Variants in SLC9C1 observed in about 807,000 individuals in gnomAD.
The protein encoded by SLC9C1 is sodium/hydrogen exchanger 10.
A neutral mutation model predicts 140.9 loss-of-function variants in SLC9C1; 97 were observed. The ratio of observed to expected loss-of-function variants is 0.69; its 90% CI spans 0.58 to 0.82. The LOEUF (loss-of-function observed/expected upper bound fraction) is 0.82. Among genes scored for constraint, SLC9C1 ranks in the 40% least tolerant of loss-of-function variants. SLC9C1 has a pLI of 0.00. For missense variants in SLC9C1, 1,340 were observed against 1,389.3 expected (o/e 0.96, Z 0.56); for synonymous variants, 440 against 442.6 (o/e 0.99, Z 0.07).
At chr3:112,232,421 A>G (rs1395389971) in intron 12 of SLC9C1, among the ~76,000 whole-genome samples, 4 of 152,198 alleles carry the variant, frequency 2.6e-5, no homozygotes, top group African/African-American at 9.6e-5. Context: ...ACAATCAGGT[A>G]TTGGAAGCTA....
At chr3:112,236,444 A>G (rs1465300197) in intron 12 of SLC9C1, among the ~76,000 whole-genome samples, 1 of 152,090 alleles carries the variant, frequency 6.6e-6, no homozygotes, top group Non-Finnish European at 1.5e-5. Context: ...TGATTTTTTG[A>G]AGGGATTTTA....
At chr3:112,150,827 TATATATATATATA>T (rs1409317412) in intron 28 of SLC9C1, among the ~76,000 whole-genome samples, 2,142 of 42,358 alleles carry the variant, frequency 0.051, 54 homozygotes, top group Middle Eastern at 0.11. Flanking sequence ...TATACATATA[TATATATATATATA>T]TTTTTTTTTT....
At chr3:112,215,645 C>T (rs542541602) in intron 15 of SLC9C1, among the ~76,000 whole-genome samples, 2 of 152,096 alleles carry the variant, frequency 1.3e-5, no homozygotes, top group Non-Finnish European at 2.9e-5. Flanking sequence ...ATCCAACTTA[C>T]AAGGGATGTG....
intron 23 of SLC9C1, among the ~76,000 whole-genome samples, chr3:112,172,888 G>A (rs1425330019): frequency 6.6e-6 from 1 of 151,840 alleles, no homozygotes; most frequent in Non-Finnish European, 1.5e-5. Flanking sequence ...CTAAAATAAA[G>A]CTCATTTATT....
intron 15 of SLC9C1, 59 bp from the exon 16 acceptor site, chr3:112,208,432 T>C: frequency 8.3e-7 from 1 of 1,198,618 alleles, no homozygotes; most frequent in Non-Finnish European, 1.2e-6. Context: ...GATTTTCATA[T>C]ATACTCATTT....
chr3:112,217,297 A>G (rs1425852718), intron 15 of SLC9C1, 145 bp downstream of exon 15: 7 of 811,382 alleles, frequency 8.6e-6, no homozygotes, highest in Admixed American at 6.7e-5. Flanking sequence ...TGTCACATGT[A>G]TGCATATGTA....
intron 15 of SLC9C1, among the ~76,000 whole-genome samples, chr3:112,214,037 A>C (rs2078283849): frequency 6.6e-6 from 1 of 152,208 alleles, no homozygotes; most frequent in Non-Finnish European, 1.5e-5. Flanking sequence ...TCAAATTAGA[A>C]CTCAGGATTA....
At chr3:112,196,471 T>C (rs1317647870) in intron 20 of SLC9C1, among the ~76,000 whole-genome samples, 1 of 152,118 alleles carries the variant, frequency 6.6e-6, no homozygotes, top group Non-Finnish European at 1.5e-5. Flanking sequence ...TTCTCAAATA[T>C]TGTCTTTTTT....
intron 12 of SLC9C1, among the ~76,000 whole-genome samples, chr3:112,234,494 T>C (rs1489601658): frequency 1.3e-5 from 2 of 152,198 alleles, no homozygotes; most frequent in Non-Finnish European, 2.9e-5. Context: ...AGATCCCATT[T>C]GTCAATTTTG....
intron 18 of SLC9C1, 145 bp downstream of exon 18, chr3:112,202,105 A>T: frequency 1.1e-6 from 1 of 903,750 alleles, no homozygotes; most frequent in Non-Finnish European, 1.7e-6. Context: ...TGAGTAATTT[A>T]AATGTAACCT....
intron 1 of SLC9C1, among the ~76,000 whole-genome samples, chr3:112,290,314 T>A (rs1203249759): frequency 6.6e-6 from 1 of 152,260 alleles, no homozygotes; most frequent in African/African-American, 2.4e-5. Flanking sequence ...ATGAGCATTT[T>A]TATCATTTCT....
intron 20 of SLC9C1, among the ~76,000 whole-genome samples, chr3:112,184,519 C>G (rs1392207758): frequency 6.6e-6 from 1 of 150,822 alleles, no homozygotes; most frequent in Non-Finnish European, 1.5e-5. Flanking sequence ...GCCTGTAATC[C>G]CAGCTACTCG....
At chr3:112,276,290 G>C (rs1391790095) in intron 5 of SLC9C1, among the ~76,000 whole-genome samples, 1 of 151,934 alleles carries the variant, frequency 6.6e-6, no homozygotes, top group Non-Finnish European at 1.5e-5. Flanking sequence ...GGCATAGGAG[G>C]AGTCAAAGGA....
rs917573992 is a variant in SLC9C1, at chr3:112,250,859, A to C, written c.1198-6783T>G. On this transcript the variant is annotated intron_variant, in intron 10 of 28. Coordinates refer to ENST00000305815, the MANE Select transcript of SLC9C1 (RefSeq NM_183061.3). ...GTGACTTCTCAAAGAACTTGGAACT[A>C]CCATTCGACCCAGCAATCCCATTAT... Among the ~76,000 whole-genome samples the C allele has an allele frequency of 2.6e-5, 4 of 152,330 alleles. No individual in the cohort carries two copies. In the East Asian group the frequency reaches 7.7e-4, roughly 29 times the overall value.
intron 15 of SLC9C1, among the ~76,000 whole-genome samples, chr3:112,215,159 C>G (rs927116791): frequency 1.7e-5 from 2 of 116,956 alleles, no homozygotes; most frequent in African/African-American, 6.3e-5. Context: ...AAATTCAAAG[C>G]CCTTCATGCT....
At chr3:112,242,499 A>G (rs1396830468) in intron 11 of SLC9C1, among the ~76,000 whole-genome samples, 2 of 152,144 alleles carry the variant, frequency 1.3e-5, no homozygotes, top group Non-Finnish European at 2.9e-5. Context: ...TTATGGAGAT[A>G]GAGAGTAGAA....
At chr3:112,146,835 T>TAG (rs1559999347) in intron 28 of SLC9C1, among the ~76,000 whole-genome samples, 1 of 152,204 alleles carries the variant, frequency 6.6e-6, no homozygotes, top group South Asian at 2.1e-4. Context: ...AGTGTTGAGT[T>TAG]AAAGTCCAGA....
At chr3:112,168,507 C>A (rs1422964109) in intron 25 of SLC9C1, among the ~76,000 whole-genome samples, 3 of 152,216 alleles carry the variant, frequency 2.0e-5, no homozygotes, top group Admixed American at 2.0e-4. Flanking sequence ...ATCAGTCTGG[C>A]AGAACCTTTC....
intron 15 of SLC9C1, among the ~76,000 whole-genome samples, chr3:112,216,481 A>G (rs953998811): frequency 1.3e-5 from 2 of 151,724 alleles, no homozygotes; most frequent in Non-Finnish European, 2.9e-5. Flanking sequence ...AATATCCAGA[A>G]TCTATAAAGA....
Sources: allele counts gnomAD v4.1 joint callset (sites outside exome capture counted in the v4.1 genomes callset), GRCh38; gene constraint gnomAD v4.1.1; transcripts MANE v1.5; gene names NCBI Gene and HGNC (gene_info 2026-07-23, HGNC 2026-07-21).